The following GXYLT2 variants were observed in gnomAD, a reference collection of about 807,000 sequenced individuals.
GXYLT2 encodes the protein glucoside xylosyltransferase 2.
A neutral mutation model predicts 45.8 loss-of-function variants in GXYLT2; 53 were observed. The ratio of observed to expected loss-of-function variants is 1.16; its 90% confidence interval spans 0.93 to 1.46. The LOEUF (loss-of-function observed/expected upper bound fraction) is 1.46. Ranked by LOEUF, GXYLT2 falls within the 40% of genes most tolerant of loss-of-function variation. The pLI is 0.00. For synonymous variants in GXYLT2, 219 were observed against 214.2 expected (o/e 1.02, Z -0.19); for missense variants, 551 against 544.4 (o/e 1.01, Z -0.12).
intron 1 of GXYLT2, among the ~76,000 whole-genome samples, chr3:72,889,503 C>T (rs1709136887): frequency 6.6e-6 from 1 of 152,082 alleles, no homozygotes; most frequent in African/African-American, 2.4e-5. Context: ...CCTTTGTTTC[C>T]CTTCTGTCTC....
chr3:72,913,260 G>C (rs367687404), intron 2 of GXYLT2, among the ~76,000 whole-genome samples: 2 of 150,658 alleles, frequency 1.3e-5, no homozygotes, highest in Non-Finnish European at 3.0e-5. Context: ...GGATGGTCTC[G>C]ATCTCCTGAC....
At chr3:72,965,571 G>A (rs929294224) in intron 5 of GXYLT2, among the ~76,000 whole-genome samples, 1 of 152,290 alleles carries the variant, frequency 6.6e-6, no homozygotes, top group East Asian at 1.9e-4. Context: ...AGGGGGTCAT[G>A]AATTTATTGC....
chr3:72,945,165 G>A (rs1416986147), intron 3 of GXYLT2, among the ~76,000 whole-genome samples: 4 of 151,458 alleles, frequency 2.6e-5, no homozygotes, highest in African/African-American at 7.3e-5. Flanking sequence ...GCAGGCGCCT[G>A]TAGTCCCTGC....
chr3:72,898,739 CTTTTT>C (rs535480550), intron 1 of GXYLT2, among the ~76,000 whole-genome samples: 26 of 149,126 alleles, frequency 1.7e-4, no homozygotes, highest in Admixed American at 2.7e-4. Flanking sequence ...CTTTTCTTTT[CTTTTT>C]TTTTCAGATG....
At chr3:72,892,142 A>G (rs962564593) in intron 1 of GXYLT2, among the ~76,000 whole-genome samples, 2 of 152,228 alleles carry the variant, frequency 1.3e-5, no homozygotes, top group African/African-American at 4.8e-5. Flanking sequence ...GAGCAAGTTA[A>G]TCCAAAAGTT....
At chr3:72,970,182 C>T (rs775059498) in intron 6 of GXYLT2, among the ~76,000 whole-genome samples, 1 of 151,970 alleles carries the variant, frequency 6.6e-6, no homozygotes, top group Non-Finnish European at 1.5e-5. Context: ...AAAACCCCAT[C>T]TCTACTAAAA....
At position 72,969,751 on chromosome 3, in the gene GXYLT2, AAGTT is replaced by A. The variant is rs374368281; in HGVS notation, c.1149+2035_1149+2038del. Among the ~76,000 whole-genome samples, 584 of 152,228 alleles carry A rather than the reference AAGTT, an allele frequency of 3.8e-3. 1 individual carries two copies. The highest frequency in any genetic ancestry group is 0.013 in the African/African-American group (531 of 41,536). On this transcript the variant is annotated intron_variant, in intron 6 of 6. Transcript: ENST00000389617. ...TTTACCATCTACTCCTTTACAGAAAAAGTTAGCCAGCCCCTGACATAAAACATGT... is the reference window on the plus strand; with the variant it reads ...TTTACCATCTACTCCTTTACAGAAAAAGCCAGCCCCTGACATAAAACATGT...
At chr3:72,927,731 A>T (rs1468246194) in intron 3 of GXYLT2, among the ~76,000 whole-genome samples, 1 of 152,214 alleles carries the variant, frequency 6.6e-6, no homozygotes, top group Non-Finnish European at 1.5e-5. Flanking sequence ...TTCATCAAGC[A>T]CCAAGAGGCC....
intron 5 of GXYLT2, among the ~76,000 whole-genome samples, chr3:72,960,502 A>G (rs1364801264): frequency 2.0e-5 from 3 of 152,242 alleles, no homozygotes; most frequent in African/African-American, 7.2e-5. Flanking sequence ...TCCATCTGAG[A>G]TCCATTGAGT....
chr3:72,916,167 G>A (rs1181345974), intron 2 of GXYLT2, among the ~76,000 whole-genome samples: 1 of 150,610 alleles, frequency 6.6e-6, no homozygotes, highest in Non-Finnish European at 1.5e-5. Context: ...GATCTAGTAT[G>A]TGTTTTGCCA....
chr3:72,954,890 G>A (rs1182942640), intron 3 of GXYLT2, among the ~76,000 whole-genome samples: 1 of 152,090 alleles, frequency 6.6e-6, no homozygotes, highest in East Asian at 1.9e-4. Flanking sequence ...CTTCTTTTAA[G>A]TCTCTACCTC....
At chr3:72,894,368 TG>T (rs1709241384) in intron 1 of GXYLT2, among the ~76,000 whole-genome samples, 1 of 152,110 alleles carries the variant, frequency 6.6e-6, no homozygotes, top group African/African-American at 2.4e-5. Flanking sequence ...AATAGTTGGG[TG>T]GGGGCACCCA....
At chr3:72,970,217 G>C (rs1158016706) in intron 6 of GXYLT2, among the ~76,000 whole-genome samples, 1 of 151,926 alleles carries the variant, frequency 6.6e-6, no homozygotes, top group Non-Finnish European at 1.5e-5. Context: ...CGGGTATGGT[G>C]GTGCACGCCT....
intron 1 of GXYLT2, among the ~76,000 whole-genome samples, chr3:72,897,597 ATAAAAT>A (rs1326339263): frequency 6.6e-6 from 1 of 152,210 alleles, no homozygotes; most frequent in Non-Finnish European, 1.5e-5. Context: ...TGTCCCCAAA[ATAAAAT>A]TAAGATGCTT....
intron 3 of GXYLT2, among the ~76,000 whole-genome samples, chr3:72,949,292 A>G (rs1045302686): frequency 1.3e-5 from 2 of 151,816 alleles, no homozygotes; most frequent in Non-Finnish European, 2.9e-5. Flanking sequence ...ATGCTCTTCC[A>G]TGTTTGCCCT....
chr3:72,917,900 T>G (rs921046862), intron 2 of GXYLT2, among the ~76,000 whole-genome samples: 2 of 152,214 alleles, frequency 1.3e-5, no homozygotes, highest in Non-Finnish European at 2.9e-5. Context: ...TATATAATAC[T>G]TATTTCCATT....
chr3:72,942,024 C>A (rs1710311360), intron 3 of GXYLT2, among the ~76,000 whole-genome samples: 1 of 151,918 alleles, frequency 6.6e-6, no homozygotes, highest in African/African-American at 2.4e-5. Flanking sequence ...ATGCAAGATG[C>A]CCCTGGAGTT....
chr3:72,947,537 C>G (rs2107132788), intron 3 of GXYLT2, among the ~76,000 whole-genome samples: 1 of 152,298 alleles, frequency 6.6e-6, no homozygotes, highest in African/African-American at 2.4e-5. Flanking sequence ...CAGTGGCTCA[C>G]ACCTGTAATC....
Position 72,963,669 on chromosome 3 carries a change from A to ATTTTT in GXYLT2, c.977-3863_977-3859dup, listed in dbSNP as rs34028884. On this transcript the variant is annotated intron_variant, in intron 5 of 6. Coordinates refer to ENST00000389617, the MANE Select transcript of GXYLT2 (RefSeq NM_001080393.2). The stretch of plus-strand genomic sequence containing the variant: ...AGGTGTGTACCACCATGCCTAGCTA[A>ATTTTT]TTTTTTTTTTTTTTTTTTTGAGACA... Among the ~76,000 whole-genome samples the ATTTTT allele has an allele frequency of 5.7e-5, 7 of 123,392 alleles. 2 individuals are homozygous for ATTTTT. The highest frequency in any genetic ancestry group is 9.8e-5 in the Non-Finnish European group (6 of 61,194). The allele number at this position is 123,392 out of a possible 152,430, so 80.9% of individuals were successfully genotyped here.
Sources: allele counts gnomAD v4.1 joint callset (sites outside exome capture counted in the v4.1 genomes callset), GRCh38; gene constraint gnomAD v4.1.1; transcripts MANE v1.5; gene names NCBI Gene and HGNC (gene_info 2026-07-23, HGNC 2026-07-21).